The following CNTNAP5 variants were observed in gnomAD, a reference collection of about 807,000 sequenced individuals.
CNTNAP5 encodes the protein contactin-associated protein-like 5.
In CNTNAP5, 72 loss-of-function variants were observed where a neutral mutation model predicts 150.2. The ratio of observed to expected loss-of-function variants is 0.48; its 90% confidence interval spans 0.40 to 0.58. The LOEUF (loss-of-function observed/expected upper bound fraction) is 0.58, where lower values mean the gene tolerates loss of function less well. CNTNAP5 is among the 20% of genes least tolerant of loss of function. CNTNAP5 has a pLI of 0.00. For missense variants in CNTNAP5, 1,636 were observed against 1,626.2 expected, an observed-to-expected ratio of 1.01 and a Z score of -0.10; for synonymous variants, 672 against 619.8, an observed-to-expected ratio of 1.08 and a Z score of -1.25.
chr2:124,565,744 T>C (rs574331919), intron 11 of CNTNAP5, among the ~76,000 whole-genome samples: 17 of 151,706 alleles, frequency 1.1e-4, no homozygotes, highest in Admixed American at 7.2e-4. Flanking sequence ...GGACTACAGG[T>C]GCCCACCACC....
intron 21 of CNTNAP5, among the ~76,000 whole-genome samples, chr2:124,890,063 T>C (rs116812153): frequency 4.6e-5 from 7 of 152,132 alleles, no homozygotes; most frequent in Non-Finnish European, 1.0e-4. Flanking sequence ...GGAGAATAGC[T>C]CTTTAGATTT....
chr2:124,707,314 A>G (rs1440781558), intron 13 of CNTNAP5, among the ~76,000 whole-genome samples: 2 of 152,162 alleles, frequency 1.3e-5, no homozygotes, highest in African/African-American at 4.8e-5. Flanking sequence ...AAGATGAGGC[A>G]TGGACTTTGA....
At chr2:124,555,219 C>T (rs77865547) in intron 10 of CNTNAP5, among the ~76,000 whole-genome samples, 106 of 152,222 alleles carry the variant, frequency 7.0e-4, no homozygotes, top group African/African-American at 2.5e-3. Context: ...TACTTCTTTA[C>T]CCAAAAACAT....
intron 12 of CNTNAP5, among the ~76,000 whole-genome samples, chr2:124,629,130 T>C (rs754049760): frequency 1.3e-5 from 2 of 152,174 alleles, no homozygotes; most frequent in Non-Finnish European, 2.9e-5. Context: ...AAAACCCTAC[T>C]GTCAGTATTA....
chr2:124,194,971 A>T (rs893229614), intron 1 of CNTNAP5, among the ~76,000 whole-genome samples: 1 of 152,088 alleles, frequency 6.6e-6, no homozygotes, highest in Non-Finnish European at 1.5e-5. Context: ...CCTGCAAACC[A>T]AAAATCATAA....
At chr2:124,720,102 A>G (rs1680020329) in intron 13 of CNTNAP5, among the ~76,000 whole-genome samples, 1 of 152,178 alleles carries the variant, frequency 6.6e-6, no homozygotes, top group African/African-American at 2.4e-5. Context: ...ACAGTTTTGA[A>G]TGACCTTTTA....
chr2:124,417,607 A>G lies in CNTNAP5; in HGVS notation c.529+17A>G, dbSNP rs747572014. ...GTTCCTATAGTAAGTACTCACATGTACCCTTTACCATTGCTGAGTGTGAGT... is the reference window on the plus strand; with the variant it reads ...GTTCCTATAGTAAGTACTCACATGTGCCCTTTACCATTGCTGAGTGTGAGT... On this transcript the variant is annotated intron_variant, in intron 4 of 23. Transcript: ENST00000682447. 1.9e-6 allele frequency: 3 copies of G among 1,606,472 alleles called. No individual in the cohort carries two copies. Among genetic ancestry groups the G allele is most frequent in the Non-Finnish European group, 2.6e-6 (3 of 1,174,832 alleles).
At chr2:124,892,206 C>T (rs1245874135) in intron 21 of CNTNAP5, among the ~76,000 whole-genome samples, 1 of 152,086 alleles carries the variant, frequency 6.6e-6, no homozygotes, top group Non-Finnish European at 1.5e-5. Flanking sequence ...GTAAATTTAA[C>T]TTATGAGGAT....
chr2:124,320,385 A>T (rs980997775), intron 3 of CNTNAP5, among the ~76,000 whole-genome samples: 1 of 152,282 alleles, frequency 6.6e-6, no homozygotes, highest in East Asian at 1.9e-4. Context: ...TGTAATTTGC[A>T]TTTCCCTGAC....
chr2:124,778,496 T>A (rs1008427545), intron 17 of CNTNAP5: 1 of 153,166 alleles, frequency 6.5e-6, no homozygotes, highest in African/African-American at 2.4e-5. Flanking sequence ...CCTTTAAGGG[T>A]GGCCTTGCTT....
Position 124,550,329 on chromosome 2 carries a change from G to A in CNTNAP5, c.1650-12888G>A, listed in dbSNP as rs562071355. Among the ~76,000 whole-genome samples, 4 of 152,230 alleles carry A rather than the reference G, an allele frequency of 2.6e-5. No homozygotes were observed. In the East Asian group the frequency reaches 7.7e-4, roughly 29 times the overall value. On this transcript the variant is annotated intron_variant, in intron 10 of 23. Transcript: ENST00000682447. ...GAACTTTGCTATTCAGTGAGGTCTG[G>A]GAGCCAGCAGTTTTCTCATTCCCAT...
chr2:124,610,872 G>A (rs1020232995), intron 12 of CNTNAP5, among the ~76,000 whole-genome samples: 2 of 151,038 alleles, frequency 1.3e-5, no homozygotes, highest in Non-Finnish European at 2.9e-5. Flanking sequence ...CACGAGACTC[G>A]CTTGAACCCG....
At chr2:124,189,633 A>G (rs932859072) in intron 1 of CNTNAP5, among the ~76,000 whole-genome samples, 1 of 152,198 alleles carries the variant, frequency 6.6e-6, no homozygotes, top group Non-Finnish European at 1.5e-5. Flanking sequence ...CAATGTCACT[A>G]ACTCAAATTA....
chr2:124,132,667 T>C (rs1279680456), intron 1 of CNTNAP5, among the ~76,000 whole-genome samples: 3 of 152,152 alleles, frequency 2.0e-5, no homozygotes, highest in Admixed American at 6.6e-5. Context: ...ATATTATCAA[T>C]AGCTAATATT....
In CNTNAP5 at chr2:124,914,157, C is replaced by T. The variant is rs2104771459; in HGVS notation, c.3793C>T (p.Gln1265Ter). 6.2e-7 allele frequency: 1 copy of T among 1,612,528 alleles called. No homozygotes were observed. The highest frequency in any genetic ancestry group is 8.5e-7 in the Non-Finnish European group (1 of 1,178,964). Residue 1265 changes from glutamine (Q) to a stop codon, truncating the protein, a stop_gained, in exon 24 of 24, where the codon CAG (glutamine) becomes TAG (stop). Transcript: ENST00000682447. LOFTEE classifies it high-confidence loss of function. ...IIGIMTRFLY[Q>*]HKQSHRTSQM... ...CGGCATCATGACCCGGTTCCTCTACCAGCACAAGCAGTCACATCGTACGAG... is the reference window on the plus strand; with the variant it reads ...CGGCATCATGACCCGGTTCCTCTACTAGCACAAGCAGTCACATCGTACGAG...
At position 124,155,153 on chromosome 2, in the gene CNTNAP5, T is replaced by G. The variant is rs185597353; in HGVS notation, c.83-66552T>G. On this transcript the variant is annotated intron_variant, in intron 1 of 23. Coordinates refer to ENST00000682447, the MANE Select transcript of CNTNAP5 (RefSeq NM_001367498.1). ...CTTACTGTGAGCCAAAACCTGCTTC[T>G]GTACCTTCCATCAGTCATTCAAGCT... Among the ~76,000 whole-genome samples, 572 of 150,798 alleles carry G rather than the reference T, an allele frequency of 3.8e-3. 2 individuals carry two copies. The highest frequency in any genetic ancestry group is 9.7e-3 in the Admixed American group (146 of 15,042).
At chr2:124,552,627 A>G (rs1021231063) in intron 10 of CNTNAP5, among the ~76,000 whole-genome samples, 1 of 152,204 alleles carries the variant, frequency 6.6e-6, no homozygotes, top group Non-Finnish European at 1.5e-5. Context: ...ATGCACACAT[A>G]TATGTATGTG....
In CNTNAP5 at chr2:124,507,315, G is replaced by A. The variant is rs529232581; in HGVS notation, c.1327+2759G>A. The stretch of plus-strand genomic sequence containing the variant: ...CTTTACAAAAAACTGAAAATTAGCC[G>A]GGCATGTGGGTGCATGCCTGTAGTA... On this transcript the variant is annotated intron_variant, in intron 8 of 23. Coordinates refer to ENST00000682447, the MANE Select transcript of CNTNAP5 (RefSeq NM_001367498.1). 1.4e-3 allele frequency among the ~76,000 whole-genome samples: 218 copies of A among 152,076 alleles called. 1 individual carries two copies. Among genetic ancestry groups the A allele is most frequent in the Non-Finnish European group, 1.9e-3 (128 of 67,994 alleles).
At chr2:124,430,413 G>T (rs1453966810) in intron 4 of CNTNAP5, among the ~76,000 whole-genome samples, 2 of 152,138 alleles carry the variant, frequency 1.3e-5, no homozygotes, top group African/African-American at 4.8e-5. Flanking sequence ...GAGAATTGCA[G>T]GGCTTATGAT....
Sources: allele counts gnomAD v4.1 joint callset (sites outside exome capture counted in the v4.1 genomes callset), GRCh38; gene constraint gnomAD v4.1.1; transcripts MANE v1.5; gene names NCBI Gene and HGNC (gene_info 2026-07-23, HGNC 2026-07-21).